Variants in GSN observed in about 807,000 individuals in gnomAD.
The protein encoded by GSN is actin-depolymerizing factor.
A neutral mutation model predicts 85.7 loss-of-function variants in GSN; 56 were observed. The ratio of observed to expected loss-of-function variants is 0.65; its 90% CI spans 0.53 to 0.82. GSN has a LOEUF of 0.82. Ranked by LOEUF, GSN falls within the 40% of genes least tolerant of loss-of-function variation. The pLI is 0.00. For missense variants in GSN, 857 were observed against 979.8 expected (o/e 0.87, Z 1.67); for synonymous variants, 373 against 399.1 (o/e 0.93, Z 0.78).
intron 2 of GSN, chr9:121,283,247 C>T (rs932659202): frequency 1.8e-5 from 3 of 166,448 alleles, no homozygotes; most frequent in African/African-American, 7.3e-5. Context: ...TGTTTTTCCT[C>T]CTGTCTTTTT....
chr9:121,251,354 A>C (rs186744354), intron 6 of GSN, among the ~76,000 whole-genome samples: 19 of 150,424 alleles, frequency 1.3e-4, no homozygotes, highest in African/African-American at 4.6e-4. Context: ...GCTAATTTTT[A>C]ATTTTTAATT....
At chr9:121,296,760 A>G (rs2059258760) in intron 2 of GSN, among the ~76,000 whole-genome samples, 1 of 152,126 alleles carries the variant, frequency 6.6e-6, no homozygotes, top group Admixed American at 6.5e-5. Context: ...GAGTAAGACA[A>G]TGTTGCCCGC....
At chr9:121,228,424 ATTTTTTTTTTTTT>A (rs869071386) in intron 4 of GSN, among the ~76,000 whole-genome samples, 7 of 48,116 alleles carry the variant, frequency 1.5e-4, no homozygotes, top group African/African-American at 6.0e-4. Context: ...ATATATATAT[ATTTTTTTTTTTTT>A]TTTTTTTTTT....
chr9:121,283,719 A>T (rs1480457009), intron 2 of GSN: 3 of 166,850 alleles, frequency 1.8e-5, no homozygotes. Context: ...ATATTCATTC[A>T]TTTGAGAGAT....
At chr9:121,223,248 A>G (rs752990603) in intron 4 of GSN, among the ~76,000 whole-genome samples, 8 of 152,150 alleles carry the variant, frequency 5.3e-5, no homozygotes, top group African/African-American at 1.7e-4. Context: ...GCTTTGACCA[A>G]TTCTCATTTT....
rs144375242 is a variant in GSN at position 121,313,992 on chromosome 9, C to T, written c.722C>T (p.Ala241Val). The T allele has an allele frequency of 2.0e-4, 319 of 1,613,876 alleles. No individual in the cohort carries two copies. The highest frequency in any genetic ancestry group is 7.1e-4 in the South Asian group (65 of 91,088). The change falls in exon 7 of 18, where the codon GCG becomes GTG. Residue 241 changes from alanine (A) to valine (V), a missense_variant. Ala to Val is a moderately conservative substitution (Grantham distance 64, BLOSUM62 0). Coordinates refer to ENST00000432226, the MANE Select transcript of GSN (RefSeq NM_198252.3). ...ACCGAGGACACCGCCAAGGAGGATGCGGCCAACCGCAAGCTGGCCAAGCTC... is the reference window on the plus strand; with the variant it reads ...ACCGAGGACACCGCCAAGGAGGATGTGGCCAACCGCAAGCTGGCCAAGCTC... ...AGTEDTAKEDAANRKLAKLYK... is the reference protein window; with the variant it reads ...AGTEDTAKEDVANRKLAKLYK...
Position 121,332,689 on chromosome 9 carries a change from C to A in GSN, c.*86C>A. ...AGAGGCCTTAGAGCGAGCAGAGCAG[C>A]TCTGCTATGAGTGTGTGTGTGTGTG... is the stretch of plus-strand genomic sequence containing the variant. On this transcript the variant is annotated 3_prime_UTR_variant, in exon 18 of 18. Coordinates refer to ENST00000432226, the MANE Select transcript of GSN (RefSeq NM_198252.3). The surrounding 1 kb of genome is among the most constrained non-coding windows in gnomAD (Gnocchi z 4.8). The A allele has an allele frequency of 2.0e-6, 2 of 1,012,438 alleles. No homozygotes were observed. Among genetic ancestry groups the A allele is most frequent in the Non-Finnish European group, 3.0e-6 (2 of 660,342 alleles). 62.7% of individuals were successfully genotyped at this position (1,012,438 alleles called of 1,614,324 possible). A position where few individuals can be genotyped will look rare whatever the true frequency, so the allele number is the denominator to read the frequency against.
intron 2 of GSN, among the ~76,000 whole-genome samples, chr9:121,293,407 C>T (rs900528284): frequency 1.1e-4 from 8 of 76,188 alleles, no homozygotes; most frequent in African/African-American, 3.9e-4. Flanking sequence ...ATTTGTCTTT[C>T]CATTTTTTTT....
At chr9:121,312,207 G>A in intron 5 of GSN, 132 bp from the exon 6 acceptor site, 2 of 896,216 alleles carry the variant, frequency 2.2e-6, no homozygotes, top group East Asian at 2.4e-5. Flanking sequence ...TGTGCAGACT[G>A]TGCCAGCCTT....
the GSN span, among the ~76,000 whole-genome samples, chr9:121,202,478 C>T: frequency 6.6e-6 from 1 of 152,180 alleles, no homozygotes; most frequent in African/African-American, 2.4e-5. Context: ...TGCATTTCAT[C>T]TCTATTTTGA....
In GSN at chr9:121,302,976, C is replaced by G; in HGVS notation, c.262C>G (p.Leu88Val). The change falls in exon 4 of 18, where the codon CTG (leucine) becomes GTG (valine). Residue 88 changes from leucine (L) to valine (V), a missense_variant. By Grantham distance (32) the Leu-to-Val change is conservative (BLOSUM62 1). Coordinates refer to ENST00000432226, the MANE Select transcript of GSN (RefSeq NM_198252.3). ...AIFTVQLDDYLNGRAVQHREV... is the reference protein window; with the variant it reads ...AIFTVQLDDYVNGRAVQHREV... ...CTTTACCGTGCAGCTGGATGACTAC[C>G]TGAACGGCCGGGCCGTGCAGCACCG... 2 of 1,614,022 alleles carry G rather than the reference C, an allele frequency of 1.2e-6. No homozygotes were observed. The highest frequency in any genetic ancestry group is 1.7e-6 in the Non-Finnish European group (2 of 1,180,014).
intron 14 of GSN, among the ~76,000 whole-genome samples, chr9:121,327,815 A>G (rs1165790219): frequency 6.6e-6 from 1 of 152,196 alleles, no homozygotes; most frequent in Non-Finnish European, 1.5e-5. Flanking sequence ...CTCTACTAAA[A>G]TACAAAATTA....
intron 16 of GSN, among the ~76,000 whole-genome samples, chr9:121,330,570 G>A (rs536385520): frequency 2.0e-5 from 3 of 152,138 alleles, no homozygotes; most frequent in South Asian, 2.1e-4. Context: ...GTGAGACTCC[G>A]TCTCAAAAAA....
At chr9:121,297,277 A>G (rs979315681) in intron 2 of GSN, among the ~76,000 whole-genome samples, 3 of 152,240 alleles carry the variant, frequency 2.0e-5, no homozygotes, top group African/African-American at 7.2e-5. Flanking sequence ...TTTTTCGGCT[A>G]GTATATTAAG....
chr9:121,228,814 C>T (rs977769427), intron 4 of GSN, among the ~76,000 whole-genome samples: 2 of 152,140 alleles, frequency 1.3e-5, no homozygotes, highest in Non-Finnish European at 2.9e-5. Flanking sequence ...AGTAATTTTG[C>T]CACAGTTTTT....
chr9:121,279,821 A>G (rs1358687615), intron 1 of GSN: 1 of 152,190 alleles, frequency 6.6e-6, no homozygotes, highest in Non-Finnish European at 1.5e-5. Flanking sequence ...GGAGGTCATT[A>G]GTCATTTGCA....
chr9:121,322,252 G>T (rs1364848424), intron 11 of GSN, among the ~76,000 whole-genome samples: 1 of 151,664 alleles, frequency 6.6e-6, no homozygotes, highest in African/African-American at 2.4e-5. Flanking sequence ...ATAATTTATA[G>T]CCTGGTCCCT....
At position 121,248,545 on chromosome 9, in the gene GSN, G is replaced by T. The variant is rs116061279; in HGVS notation, c.-341+222G>T. 3.6e-3 allele frequency among the ~76,000 whole-genome samples: 553 copies of T among 152,236 alleles called. 6 individuals carry two copies. Among genetic ancestry groups the T allele is most frequent in the African/African-American group, 0.013 (527 of 41,538 alleles). The stretch of plus-strand genomic sequence containing the variant: ...GGTCAAGACCTAGGCTTGAAACTGG[G>T]GGTTTGAAAATACATGAGATCTGGT... On this transcript the variant is annotated intron_variant, in intron 6 of 24. Transcript: ENST00000373823.
At chr9:121,207,772 TTTC>T, upstream of GSN, 1 of 152,114 alleles carries the variant, frequency 6.6e-6, no homozygotes, top group Non-Finnish European at 1.5e-5. Flanking sequence ...CTTTTTTTTT[TTTC>T]TTCCTGTCTC....
Sources: gnomAD v4.1 joint callset for allele counts (sites outside exome capture counted in the v4.1 genomes callset) on GRCh38, gnomAD v4.1.1 for gene constraint, Gnocchi (gnomAD v3.1) non-coding constraint, MANE v1.5 for transcripts, NCBI Gene and HGNC (gene_info 2026-07-23, HGNC 2026-07-21) for gene names.